ERC2: variants seen among roughly 807,000 people sequenced by gnomAD.
The protein encoded by ERC2 is ERC protein 2.
A neutral mutation model predicts 114.8 loss-of-function variants in ERC2; 42 were observed. That is an observed-to-expected ratio of 0.37 (90% CI 0.29 to 0.47). The LOEUF is 0.47. Ranked by LOEUF, ERC2 falls within the 20% of genes least tolerant of loss-of-function variation. The pLI is 0.99. For missense variants in ERC2, 939 were observed against 1,150.7 expected (o/e 0.82, Z 2.66); for synonymous variants, 454 against 425.5 (o/e 1.07, Z -0.82).
At chr3:55,517,862 T>C (rs565789300) in intron 17 of ERC2, among the ~76,000 whole-genome samples, 26 of 152,386 alleles carry the variant, frequency 1.7e-4, no homozygotes, top group African/African-American at 6.0e-4. Context: ...CTCTATGCAC[T>C]TTTTAAAGCA....
chr3:55,982,354 A>C (rs976299333), intron 12 of ERC2, among the ~76,000 whole-genome samples: 1 of 152,172 alleles, frequency 6.6e-6, no homozygotes, highest in Admixed American at 6.5e-5. Context: ...TTTCTTACTA[A>C]CTGTATAAAT....
At chr3:55,788,396 T>C (rs927000485) in intron 14 of ERC2, among the ~76,000 whole-genome samples, 1 of 152,116 alleles carries the variant, frequency 6.6e-6, no homozygotes, top group African/African-American at 2.4e-5. Flanking sequence ...CTCCCCTGTC[T>C]CTCCCCAAGA....
chr3:56,094,588 A>G lies in ERC2; in HGVS notation c.1474-13604T>C, dbSNP rs147548868. On this transcript the variant is annotated intron_variant, in intron 6 of 17. Coordinates refer to ENST00000288221, the MANE Select transcript of ERC2 (RefSeq NM_015576.3). ...TAAAATTGAGATAAAATTTTGCTCA[A>G]TGACTTCTAAGGACTTTACCTAACC... 9.3e-4 allele frequency among the ~76,000 whole-genome samples: 142 copies of G among 152,350 alleles called. No individual in the cohort carries two copies. The East Asian group carries it at 0.025, about 27-fold the overall frequency.
chr3:56,178,504 C>T (rs2083105243), intron 3 of ERC2, among the ~76,000 whole-genome samples: 1 of 152,138 alleles, frequency 6.6e-6, no homozygotes, highest in Admixed American at 6.5e-5. Context: ...GAAGCAGTCA[C>T]AAGCCTGCTT....
chr3:56,118,710 C>G (rs1027390175), intron 6 of ERC2, among the ~76,000 whole-genome samples: 6 of 149,304 alleles, frequency 4.0e-5, no homozygotes, highest in Non-Finnish European at 8.9e-5. Context: ...GATCTCGGCT[C>G]ACTGCAAGTT....
chr3:56,261,977 T>C (rs1181758438), intron 3 of ERC2, among the ~76,000 whole-genome samples: 4 of 152,190 alleles, frequency 2.6e-5, no homozygotes, highest in African/African-American at 9.7e-5. Context: ...TGGTTTTCTG[T>C]TCCTGTGTTA....
intron 14 of ERC2, among the ~76,000 whole-genome samples, chr3:55,736,783 C>T (rs1281664075): frequency 2.6e-5 from 4 of 152,150 alleles, no homozygotes; most frequent in South Asian, 2.1e-4. Flanking sequence ...CTACAGTCAT[C>T]GCTTATTCAA....
At chr3:56,289,964 C>T (rs1210446410) in intron 3 of ERC2, among the ~76,000 whole-genome samples, 4 of 152,306 alleles carry the variant, frequency 2.6e-5, no homozygotes, top group South Asian at 4.1e-4. Flanking sequence ...ATGATGACAA[C>T]AGTATTTACT....
At chr3:55,703,301 C>T (rs2063320838) in intron 15 of ERC2, among the ~76,000 whole-genome samples, 1 of 152,226 alleles carries the variant, frequency 6.6e-6, no homozygotes, top group Non-Finnish European at 1.5e-5. Flanking sequence ...TCCAGAGTTA[C>T]ACCTCCCAGT....
chr3:55,589,147 G>A (rs1261162423), intron 17 of ERC2, among the ~76,000 whole-genome samples: 1 of 150,934 alleles, frequency 6.6e-6, no homozygotes, highest in Non-Finnish European at 1.5e-5. Flanking sequence ...GGGAGGCCAA[G>A]GCAGGAGGAT....
At chr3:55,547,228 C>T (rs2054818909) in intron 17 of ERC2, among the ~76,000 whole-genome samples, 1 of 152,236 alleles carries the variant, frequency 6.6e-6, no homozygotes, top group Non-Finnish European at 1.5e-5. Context: ...CCGGGCCCAC[C>T]ACCACTGAAT....
At chr3:55,968,048 A>T in intron 12 of ERC2, among the ~76,000 whole-genome samples, 1 of 152,202 alleles carries the variant, frequency 6.6e-6, no homozygotes, top group East Asian at 1.9e-4. Context: ...TTCAAAAATA[A>T]AGTGTCAAAT....
chr3:56,467,281 T>C (rs1280434233), intron 1 of ERC2: 1 of 152,218 alleles, frequency 6.6e-6, no homozygotes, highest in African/African-American at 2.4e-5. Flanking sequence ...CCCACGTAAG[T>C]GGCAGGTGTG....
At chr3:55,816,732 T>C (rs1394655070) in intron 14 of ERC2, among the ~76,000 whole-genome samples, 1 of 152,012 alleles carries the variant, frequency 6.6e-6, no homozygotes, top group Non-Finnish European at 1.5e-5. Flanking sequence ...ATTGGGTTAT[T>C]CTACAGAACT....
chr3:55,977,214 T>G (rs1030851938), intron 12 of ERC2, among the ~76,000 whole-genome samples: 4 of 152,236 alleles, frequency 2.6e-5, no homozygotes, highest in African/African-American at 9.6e-5. Flanking sequence ...ACAATTGTTC[T>G]TATAGTCTTG....
chr3:55,568,956 G>A (rs895678550), intron 17 of ERC2, among the ~76,000 whole-genome samples: 1 of 152,110 alleles, frequency 6.6e-6, no homozygotes, highest in African/African-American at 2.4e-5. Context: ...GGCTTTGCAT[G>A]TGCTCTTCTC....
chr3:56,128,754 C>T (rs578046865), intron 6 of ERC2, among the ~76,000 whole-genome samples: 3 of 152,144 alleles, frequency 2.0e-5, no homozygotes, highest in Non-Finnish European at 4.4e-5. Flanking sequence ...AGACAGTCAT[C>T]GCTGTGGAGA....
intron 7 of ERC2, among the ~76,000 whole-genome samples, chr3:56,070,624 T>C (rs2076692676): frequency 1.3e-5 from 2 of 152,194 alleles, no homozygotes; most frequent in Admixed American, 6.6e-5. Flanking sequence ...GGCCCTGAAC[T>C]GCATTTTTAA....
At chr3:56,003,831 A>G (rs2072264665) in intron 10 of ERC2, among the ~76,000 whole-genome samples, 1 of 152,080 alleles carries the variant, frequency 6.6e-6, no homozygotes, top group South Asian at 2.1e-4. Flanking sequence ...AGAATCTATA[A>G]TGTTTTCTTG....
Sources: allele counts gnomAD v4.1 joint callset (sites outside exome capture counted in the v4.1 genomes callset), GRCh38; gene constraint gnomAD v4.1.1; transcripts MANE v1.5; gene names NCBI Gene and HGNC (gene_info 2026-07-23, HGNC 2026-07-21).